Variants in CTDSPL2 observed in about 807,000 individuals in gnomAD.
The protein encoded by CTDSPL2 is CTD small phosphatase-like protein 2.
Under a neutral mutation model 60.0 loss-of-function variants are expected in CTDSPL2, and 5 were observed. The ratio of observed to expected loss-of-function variants is 0.08; its 90% CI spans 0.04 to 0.18. The LOEUF is 0.18. Among genes scored for constraint, CTDSPL2 ranks in the 10% least tolerant of loss-of-function variants. The probability of loss-of-function intolerance (pLI) is 1.00; values close to 1 mark genes in which losing one functional copy is unlikely to be tolerated. For missense variants in CTDSPL2, 370 were observed against 548.8 expected, an observed-to-expected ratio of 0.67 and a Z score of 3.26; for synonymous variants, 186 against 189.3, an observed-to-expected ratio of 0.98 and a Z score of 0.14.
intron 8 of CTDSPL2, among the ~76,000 whole-genome samples, chr15:44,500,376 A>G (rs2081365748): frequency 6.7e-6 from 1 of 149,498 alleles, no homozygotes; most frequent in Non-Finnish European, 1.5e-5. Flanking sequence ...AAATACAAAT[A>G]TCATTAACAT....
rs112161444 is a variant in CTDSPL2, at chr15:44,459,310, G to A, written c.186+110G>A. On this transcript the variant is annotated intron_variant, in intron 2 of 12. Transcript: ENST00000260327. ...TGAGAGCCCCAGGCAGGTGGATCACGAGGTCAGGAGATCGAGACCATCCTG... is the reference window on the plus strand; with the variant it reads ...TGAGAGCCCCAGGCAGGTGGATCACAAGGTCAGGAGATCGAGACCATCCTG... 2,137 of 634,404 alleles carry A rather than the reference G, an allele frequency of 3.4e-3. 50 individuals carry two copies. The African/African-American group carries it at 0.038, about 11-fold the overall frequency. 39.3% of individuals were successfully genotyped at this position (634,404 alleles called of 1,614,324 possible).
chr15:44,477,618 C>G (rs1156936035), intron 2 of CTDSPL2, among the ~76,000 whole-genome samples: 1 of 152,030 alleles, frequency 6.6e-6, no homozygotes, highest in East Asian at 1.9e-4. Flanking sequence ...GGGCAGATCA[C>G]CTGAGGTCGG....
intron 1 of CTDSPL2, among the ~76,000 whole-genome samples, chr15:44,455,013 T>C (rs902959801): frequency 1.4e-4 from 21 of 152,226 alleles, no homozygotes; most frequent in Non-Finnish European, 2.6e-4. Flanking sequence ...TAAATTACCT[T>C]GGGCAGTATG....
intron 1 of CTDSPL2, among the ~76,000 whole-genome samples, chr15:44,442,028 C>G (rs998806709): frequency 6.6e-6 from 1 of 152,170 alleles, no homozygotes; most frequent in Non-Finnish European, 1.5e-5. Context: ...TTCTTCTTCC[C>G]TAAGTGCTGG....
At chr15:44,428,676 G>C (rs780903443) in intron 1 of CTDSPL2, among the ~76,000 whole-genome samples, 1 of 152,170 alleles carries the variant, frequency 6.6e-6, no homozygotes, top group Non-Finnish European at 1.5e-5. Context: ...TGGTAACGCA[G>C]TACCAAGATG....
chr15:44,528,713 G>A lies in CTDSPL2; in HGVS notation c.*4539G>A, dbSNP rs1179005164. On this transcript the variant is annotated 3_prime_UTR_variant, in exon 13 of 13. Coordinates refer to ENST00000260327, the MANE Select transcript of CTDSPL2 (RefSeq NM_016396.3). ...AATGAGACCATTATATATATTATCTGTAAAATATTTCACTATTTTTTTATT... is the reference window on the plus strand; with the variant it reads ...AATGAGACCATTATATATATTATCTATAAAATATTTCACTATTTTTTTATT... The A allele has an allele frequency of 1.3e-5, 2 of 152,006 alleles. No individual in the cohort carries two copies. Among genetic ancestry groups the A allele is most frequent in the Non-Finnish European group, 2.9e-5 (2 of 67,974 alleles). The allele number at this position is 152,006 out of a possible 1,614,324, so 9.4% of individuals were successfully genotyped here. A position where few individuals can be genotyped will look rare whatever the true frequency, so the allele number is the denominator to read the frequency against.
intron 8 of CTDSPL2, among the ~76,000 whole-genome samples, chr15:44,513,004 G>A (rs1351874981): frequency 6.6e-6 from 1 of 151,594 alleles, no homozygotes; most frequent in African/African-American, 2.4e-5. Context: ...CCCTGGAGGT[G>A]GAGGTTGCAG....
intron 8 of CTDSPL2, among the ~76,000 whole-genome samples, chr15:44,503,168 A>G (rs886562325): frequency 1.3e-5 from 2 of 152,164 alleles, no homozygotes; most frequent in African/African-American, 4.8e-5. Context: ...TGGCACTCAT[A>G]TAGGCAAAAT....
chr15:44,486,912 T>A (rs569596377), intron 4 of CTDSPL2, among the ~76,000 whole-genome samples: 1 of 152,118 alleles, frequency 6.6e-6, no homozygotes, highest in East Asian at 1.9e-4. Context: ...TGTAGGTACC[T>A]GCCACCATGC....
chr15:44,517,774 A>G (rs550135346), intron 10 of CTDSPL2, among the ~76,000 whole-genome samples: 3 of 152,350 alleles, frequency 2.0e-5, no homozygotes, highest in African/African-American at 7.2e-5. Context: ...TTGAATTTAC[A>G]TGCTGTATCT....
In CTDSPL2 at chr15:44,528,410, A is replaced by C. The variant is rs1406079750; in HGVS notation, c.*4236A>C. On this transcript the variant is annotated 3_prime_UTR_variant, in exon 13 of 13. Transcript: ENST00000260327. The stretch of plus-strand genomic sequence containing the variant: ...CTTTAAAGCTCTCCTGGTGATTCTA[A>C]TAGCCAGTATTGGGTAATCAATGTT... 2 of 151,520 alleles carry C rather than the reference A, an allele frequency of 1.3e-5. No individual in the cohort carries two copies. The highest frequency in any genetic ancestry group is 2.9e-5 in the Non-Finnish European group (2 of 67,934). The allele number at this position is 151,520 out of a possible 1,614,324, so 9.4% of individuals were successfully genotyped here.
chr15:44,444,736 T>G (rs1250882799), intron 1 of CTDSPL2, among the ~76,000 whole-genome samples: 1 of 151,536 alleles, frequency 6.6e-6, no homozygotes, highest in Non-Finnish European at 1.5e-5. Context: ...AAGTAGTTTT[T>G]TTTTTTTTTT....
intron 1 of CTDSPL2, among the ~76,000 whole-genome samples, chr15:44,450,588 A>C (rs2080313463): frequency 7.4e-6 from 1 of 134,510 alleles, no homozygotes; most frequent in Admixed American, 7.7e-5. Context: ...TTATATTCTT[A>C]ATTTTTTTTT....
chr15:44,449,623 G>A (rs1337008138), intron 1 of CTDSPL2, among the ~76,000 whole-genome samples: 1 of 152,032 alleles, frequency 6.6e-6, no homozygotes, highest in Admixed American at 6.6e-5. Flanking sequence ...GAGCCACCAC[G>A]CCTGGCCTCA....
intron 7 of CTDSPL2, among the ~76,000 whole-genome samples, chr15:44,498,178 A>C (rs1224966589): frequency 5.9e-5 from 9 of 152,314 alleles, no homozygotes; most frequent in Admixed American, 1.3e-4. Context: ...CCTGGGATTG[A>C]GGAAGGAACT....
intron 2 of CTDSPL2, among the ~76,000 whole-genome samples, chr15:44,466,628 G>A (rs1408710766): frequency 6.6e-6 from 1 of 152,050 alleles, no homozygotes; most frequent in Non-Finnish European, 1.5e-5. Context: ...TTGCTCCTAG[G>A]CTACAAACCT....
intron 10 of CTDSPL2, chr15:44,517,396 C>G (rs1354427511): frequency 6.6e-6 from 1 of 151,366 alleles, no homozygotes; most frequent in Non-Finnish European, 1.5e-5. Flanking sequence ...CCTGTAATCC[C>G]AGCTACTCGG....
At chr15:44,486,080 A>G (rs1328377090) in intron 3 of CTDSPL2, among the ~76,000 whole-genome samples, 1 of 152,190 alleles carries the variant, frequency 6.6e-6, no homozygotes, top group Non-Finnish European at 1.5e-5. Context: ...TGCTATATAT[A>G]GCCTTTTGCT....
At chr15:44,493,733 A>G (rs1467953798) in intron 5 of CTDSPL2, among the ~76,000 whole-genome samples, 2 of 152,182 alleles carry the variant, frequency 1.3e-5, no homozygotes, top group Non-Finnish European at 2.9e-5. Context: ...CTGTGAGGTC[A>G]AGGCTGCAGT....
Sources: allele counts gnomAD v4.1 joint callset (sites outside exome capture counted in the v4.1 genomes callset), GRCh38; gene constraint gnomAD v4.1.1; transcripts MANE v1.5; gene names NCBI Gene and HGNC (gene_info 2026-07-23, HGNC 2026-07-21).